The following SLC18B1 variants were observed in gnomAD, a reference collection of about 807,000 sequenced individuals.
The protein encoded by SLC18B1 is solute carrier family 18 member B1.
Under a neutral mutation model 53.9 loss-of-function variants are expected in SLC18B1, and 62 were observed. That is an observed-to-expected ratio of 1.15 (90% CI 0.94 to 1.42). The LOEUF is 1.42. SLC18B1 is among the 40% of genes most tolerant of loss of function. The probability of loss-of-function intolerance (pLI) is 0.00; values close to 1 mark genes in which losing one functional copy is unlikely to be tolerated. For missense variants in SLC18B1, 598 were observed against 547.3 expected (o/e 1.09, Z -0.93); for synonymous variants, 217 against 200.9 (o/e 1.08, Z -0.68).
chr6:132,784,576 T>C (rs1004242431), intron 5 of SLC18B1, among the ~76,000 whole-genome samples: 1 of 152,146 alleles, frequency 6.6e-6, no homozygotes, highest in Non-Finnish European at 1.5e-5. Flanking sequence ...AATGAGCAAA[T>C]TTGAACCACA....
intron 4 of SLC18B1, 114 bp downstream of exon 4, chr6:132,789,639 TCACATGCTATG>T (rs1781471954): frequency 8.4e-6 from 6 of 710,070 alleles, no homozygotes; most frequent in Non-Finnish European, 1.5e-5. Flanking sequence ...CTGCCATTAG[TCACATGCTATG>T]CATTTGACAG....
chr6:132,791,042 T>A (rs778340039), intron 2 of SLC18B1, among the ~76,000 whole-genome samples: 17 of 152,240 alleles, frequency 1.1e-4, no homozygotes, highest in Non-Finnish European at 1.9e-4. Context: ...ATAGAAAGTT[T>A]AAAAAACTTT....
chr6:132,771,296 C>T (rs1387042752), intron 11 of SLC18B1, among the ~76,000 whole-genome samples, 167 bp from the exon 12 acceptor site: 1 of 152,080 alleles, frequency 6.6e-6, no homozygotes, highest in African/African-American at 2.4e-5. Context: ...AATAATTCTA[C>T]CTGATAATGA....
intron 7 of SLC18B1, among the ~76,000 whole-genome samples, chr6:132,778,196 C>T (rs759179580): frequency 2.6e-5 from 4 of 152,104 alleles, no homozygotes; most frequent in Admixed American, 6.6e-5. Flanking sequence ...AGGAACAAAT[C>T]GCAATGGTGG....
Position 132,770,320 on chromosome 6 carries a change from T to A in SLC18B1, c.1321A>T (p.Ile441Phe). 3 of 1,613,580 alleles carry A rather than the reference T, an allele frequency of 1.9e-6. No individual in the cohort carries two copies. Among genetic ancestry groups the A allele is most frequent in the Non-Finnish European group, 2.5e-6 (3 of 1,179,454 alleles). The change falls in exon 14 of 14, where the codon ATC (isoleucine) becomes TTC (phenylalanine). Residue 441 changes from isoleucine (I) to phenylalanine (F), a missense_variant. Physicochemically the swap from Ile to Phe is conservative, Grantham distance 21 (BLOSUM62 0). Coordinates refer to ENST00000275227, the MANE Select transcript of SLC18B1 (RefSeq NM_052831.3). Reference sequence around the variant, plus strand: ...GTTCGTTCCTCCTCTGTGCTGAGGATGTTTTGAGATTTAGACCTACATTGA... The same window carrying A: ...GTTCGTTCCTCCTCTGTGCTGAGGAAGTTTTGAGATTTAGACCTACATTGA... ...SRRKRSKSQN[I>F]LSTEEERTTL...
intron 6 of SLC18B1, among the ~76,000 whole-genome samples, chr6:132,780,099 T>C (rs1781194705): frequency 7.6e-6 from 1 of 131,416 alleles, no homozygotes; most frequent in African/African-American, 2.7e-5. Flanking sequence ...AGCTTTTTTT[T>C]CTTTTTTTTT....
At chr6:132,793,954 G>T (rs754442036) in intron 2 of SLC18B1, among the ~76,000 whole-genome samples, 15 of 152,020 alleles carry the variant, frequency 9.9e-5, no homozygotes, top group Non-Finnish European at 1.5e-4. Flanking sequence ...CCACAGCATG[G>T]TTTTCCTTTG....
In SLC18B1 at chr6:132,771,138, A is replaced by G; in HGVS notation, c.1161-9T>C. 2.5e-6 allele frequency: 4 copies of G among 1,611,040 alleles called. No homozygotes were observed. The highest frequency in any genetic ancestry group is 1.3e-5 in the African/African-American group (1 of 74,866). On this transcript the variant is annotated splice_polypyrimidine_tract_variant and intron_variant, in intron 11 of 13. Coordinates refer to ENST00000275227, the MANE Select transcript of SLC18B1 (RefSeq NM_052831.3). ...TTGGTCCCATAAAAGCACTAACAAT[A>G]GAAAGAAGAAAAAGTATTCAATAGT...
chr6:132,786,850 A>G (rs761125), intron 5 of SLC18B1, among the ~76,000 whole-genome samples: 45,682 of 151,940 alleles, frequency 0.3, 7,210 homozygotes, highest in Admixed American at 0.46. Flanking sequence ...ATATGTCACT[A>G]ATACCAGGTC....
At chr6:132,775,477 A>C (rs1201142014) in intron 8 of SLC18B1, among the ~76,000 whole-genome samples, 1 of 152,220 alleles carries the variant, frequency 6.6e-6, no homozygotes, top group Non-Finnish European at 1.5e-5. Flanking sequence ...AACACTGTTT[A>C]AGATACTTGC....
At chr6:132,785,870 G>A (rs1488093073) in intron 5 of SLC18B1, among the ~76,000 whole-genome samples, 1 of 127,958 alleles carries the variant, frequency 7.8e-6, no homozygotes, top group South Asian at 2.4e-4. Flanking sequence ...AGACCAGCCT[G>A]GGCAACTCAG....
At chr6:132,785,769 A>C (rs1781352498) in intron 5 of SLC18B1, among the ~76,000 whole-genome samples, 2 of 152,054 alleles carry the variant, frequency 1.3e-5, no homozygotes, top group Admixed American at 6.5e-5. Flanking sequence ...TGTTTGAAAA[A>C]ATAGTTACAG....
chr6:132,789,544 C>G, intron 4 of SLC18B1: 1 of 441,240 alleles, frequency 2.3e-6, no homozygotes. Context: ...TGAGTAGGTT[C>G]AGTAGCAAGC....
At chr6:132,790,034 G>A in intron 3 of SLC18B1, 143 bp downstream of exon 3, 2 of 721,204 alleles carry the variant, frequency 2.8e-6, no homozygotes, top group Middle Eastern at 7.7e-4. Context: ...CAACTCTGAG[G>A]AGAGAACTGT....
chr6:132,775,618 A>G (rs1781079963), intron 8 of SLC18B1, among the ~76,000 whole-genome samples: 1 of 152,246 alleles, frequency 6.6e-6, no homozygotes, highest in Admixed American at 6.5e-5. Context: ...TACTAACAGT[A>G]CTAATTCTGT....
chr6:132,789,729 T>C lies in SLC18B1; in HGVS notation c.353+35A>G, dbSNP rs192488086. ...AACAGAAGATACATTACAAAATCTG[T>C]TCAAGCTCCCAAATATAATCAGAAA... On this transcript the variant is annotated intron_variant, in intron 4 of 13. Coordinates refer to ENST00000275227, the MANE Select transcript of SLC18B1 (RefSeq NM_052831.3). The C allele has an allele frequency of 2.2e-3, 3,133 of 1,431,894 alleles. 7 individuals are homozygous for C. The highest frequency in any genetic ancestry group is 2.7e-3 in the Non-Finnish European group (2,698 of 1,015,396). 88.7% of individuals were successfully genotyped at this position (1,431,894 alleles called of 1,614,324 possible). A position where few individuals can be genotyped will look rare whatever the true frequency, so the allele number is the denominator to read the frequency against.
rs770774646 is a variant in SLC18B1, at chr6:132,792,288, A to AAAGAAAGAAAG, written c.184-2017_184-2016insCTTTCTTTCTT. 8.8e-4 allele frequency among the ~76,000 whole-genome samples: 35 copies of AAAGAAAGAAAG among 39,934 alleles called. 5 individuals carry two copies. Among genetic ancestry groups the AAAGAAAGAAAG allele is most frequent in the African/African-American group, 4.4e-3 (34 of 7,762 alleles). 26.2% of individuals were successfully genotyped at this position (39,934 alleles called of 152,430 possible). ...GAAAGAAAGAAAGAAAGAAAGGAAG[A>AAAGAAAGAAAG]AAGGAAGGAAGGAAGGAAGGAAGGA... On this transcript the variant is annotated intron_variant, in intron 2 of 13. Coordinates refer to ENST00000275227, the MANE Select transcript of SLC18B1 (RefSeq NM_052831.3).
At chr6:132,787,305 G>T in intron 5 of SLC18B1, 129 bp downstream of exon 5, 2 of 868,650 alleles carry the variant, frequency 2.3e-6, no homozygotes, top group Non-Finnish European at 3.2e-6. Flanking sequence ...AACTCGGGGT[G>T]AAAGGCAACA....
chr6:132,782,822 T>C (rs975299175), intron 6 of SLC18B1, among the ~76,000 whole-genome samples: 1 of 151,924 alleles, frequency 6.6e-6, no homozygotes, highest in South Asian at 2.1e-4. Context: ...TTGTCCAGGC[T>C]GGAGCGCAGT....
Sources: allele counts gnomAD v4.1 joint callset (sites outside exome capture counted in the v4.1 genomes callset), GRCh38; gene constraint gnomAD v4.1.1; transcripts MANE v1.5; gene names NCBI Gene and HGNC (gene_info 2026-07-23, HGNC 2026-07-21).